Variants in NAV2 observed in about 807,000 individuals in gnomAD.
The protein encoded by NAV2 is neuron navigator 2.
Under a neutral mutation model 223.2 loss-of-function variants are expected in NAV2, and 54 were observed. That is an observed-to-expected ratio of 0.24 (90% CI 0.19 to 0.30). The LOEUF (loss-of-function observed/expected upper bound fraction) is 0.30, where lower values mean the gene tolerates loss of function less well. Among genes scored for constraint, NAV2 ranks in the 10% least tolerant of loss-of-function variants. NAV2 has a pLI of 1.00. For missense variants in NAV2, 2,806 were observed against 3,147.5 expected (o/e 0.89, Z 2.60); for synonymous variants, 1,279 against 1,239.3 (o/e 1.03, Z -0.67).
intron 8 of NAV2, among the ~76,000 whole-genome samples, chr11:19,941,873 T>C (rs2120115): frequency 0.94 from 142,611 of 152,250 alleles, 67,533 homozygotes; most frequent in East Asian, 1. Flanking sequence ...AATTCAGCCT[T>C]CTGAAGCCCC....
At chr11:20,111,731 G>T (rs1015426844) in intron 36 of NAV2, among the ~76,000 whole-genome samples, 1 of 152,214 alleles carries the variant, frequency 6.6e-6, no homozygotes, top group Non-Finnish European at 1.5e-5. Flanking sequence ...TATCCAGCCT[G>T]CTCTGAGACC....
chr11:19,802,734 C>T (rs905783981), intron 1 of NAV2, among the ~76,000 whole-genome samples: 4 of 130,578 alleles, frequency 3.1e-5, no homozygotes, highest in Non-Finnish European at 5.1e-5. Flanking sequence ...AAAAAAATTA[C>T]ACCAATGTTT....
At chr11:20,071,956 G>A (rs2059432632) in intron 22 of NAV2, among the ~76,000 whole-genome samples, 1 of 152,104 alleles carries the variant, frequency 6.6e-6, no homozygotes, top group Non-Finnish European at 1.5e-5. Context: ...GATCCCTTTT[G>A]TCTATTTTGG....
chr11:19,676,911 C>T (rs189767582), intron 1 of NAV2, among the ~76,000 whole-genome samples: 43 of 152,268 alleles, frequency 2.8e-4, no homozygotes, highest in African/African-American at 1.0e-3. Flanking sequence ...CTCCTTAGAT[C>T]GTTAAGACAT....
chr11:19,541,704 C>T (rs2044348646), intron 1 of NAV2, among the ~76,000 whole-genome samples: 1 of 152,212 alleles, frequency 6.6e-6, no homozygotes, highest in Non-Finnish European at 1.5e-5. Context: ...GGACATGCCA[C>T]ATGCCAAAAT....
At chr11:19,593,700 G>T (rs903691845) in intron 1 of NAV2, among the ~76,000 whole-genome samples, 3 of 151,994 alleles carry the variant, frequency 2.0e-5, no homozygotes, top group African/African-American at 7.3e-5. Context: ...ATCTTTGCTG[G>T]AATTTGGTGT....
intron 1 of NAV2, among the ~76,000 whole-genome samples, chr11:19,452,480 G>A (rs1851823754): frequency 6.6e-6 from 1 of 152,146 alleles, no homozygotes; most frequent in Non-Finnish European, 1.5e-5. Flanking sequence ...CACTGTCTGG[G>A]TGAGAAATCC....
intron 2 of NAV2, among the ~76,000 whole-genome samples, chr11:19,837,630 A>T (rs1428179308): frequency 1.3e-5 from 2 of 152,126 alleles, no homozygotes; most frequent in Non-Finnish European, 2.9e-5. Context: ...ACCTGAAACT[A>T]ATCATAAGGA....
chr11:19,555,964 T>G (rs1367183130), intron 1 of NAV2, among the ~76,000 whole-genome samples: 2 of 151,544 alleles, frequency 1.3e-5, no homozygotes, highest in Non-Finnish European at 2.9e-5. Context: ...CCTGTGCACC[T>G]GTCCCTACAG....
At chr11:20,038,482 C>G (rs543212608) in intron 12 of NAV2, among the ~76,000 whole-genome samples, 3 of 152,324 alleles carry the variant, frequency 2.0e-5, no homozygotes, top group South Asian at 4.1e-4. Context: ...TAGTGACATT[C>G]CTTTTGTTCC....
intron 5 of NAV2, among the ~76,000 whole-genome samples, chr11:19,884,051 A>G (rs948785049): frequency 6.6e-6 from 1 of 152,256 alleles, no homozygotes; most frequent in Non-Finnish European, 1.5e-5. Flanking sequence ...AAAGAAACAC[A>G]CACATGAATA....
At chr11:19,627,205 T>C (rs1180605722) in intron 1 of NAV2, among the ~76,000 whole-genome samples, 1 of 152,136 alleles carries the variant, frequency 6.6e-6, no homozygotes, top group Non-Finnish European at 1.5e-5. Context: ...CTAGCCAACA[T>C]GGCGAAACCC....
At chr11:19,480,960 G>T (rs969987056) in intron 1 of NAV2, among the ~76,000 whole-genome samples, 3 of 152,220 alleles carry the variant, frequency 2.0e-5, no homozygotes, top group African/African-American at 7.2e-5. Context: ...AGAGCCTGAA[G>T]GGGAGGAATA....
intron 1 of NAV2, among the ~76,000 whole-genome samples, chr11:19,730,412 T>A (rs2051654777): frequency 6.6e-6 from 1 of 152,166 alleles, no homozygotes; most frequent in African/African-American, 2.4e-5. Flanking sequence ...CAGAGGGGCT[T>A]GTTGCAAAGC....
At position 20,114,701 on chromosome 11, in the gene NAV2, G is replaced by A. The variant is rs758719814; in HGVS notation, c.7070G>A (p.Arg2357Gln). Residue 2357 changes from arginine (R) to glutamine (Q), a missense_variant, in exon 37 of 38, where the codon CGG (arginine) becomes CAG (glutamine). Transcript: ENST00000349880. ...QHEWPPLLQL[R>Q]PEDVGFDGYS... ...GAGTGGCCTCCCCTGCTGCAGTTAC[G>A]GCCTGAGGATGTCGGCTTCGACGGC... 28 of 1,614,116 alleles carry A rather than the reference G, an allele frequency of 1.7e-5. No homozygotes were observed. The East Asian group carries it at 3.1e-4, about 18-fold the overall frequency.
intron 8 of NAV2, among the ~76,000 whole-genome samples, chr11:19,942,988 A>C (rs369228231): frequency 7.5e-4 from 115 of 152,338 alleles, no homozygotes; most frequent in African/African-American, 2.7e-3. Context: ...GTCTCTAAAA[A>C]ATAAAATAGT....
In NAV2 at chr11:19,548,895, A is replaced by C. The variant is rs79793379; in HGVS notation, c.75+197868A>C. ...CCGTCTCAAAAAAAAAAAAAAAAAA[A>C]ACACCCTCAAGGTGAGTGTTTAAAC... is the stretch of plus-strand genomic sequence containing the variant. On this transcript the variant is annotated intron_variant, in intron 1 of 37. Transcript: ENST00000360655. Among the ~76,000 whole-genome samples the C allele has an allele frequency of 6.6e-5, 10 of 151,264 alleles. No homozygotes were observed. In the South Asian group the frequency reaches 1.9e-3, roughly 28 times the overall value.
chr11:19,602,743 GCC>G (rs1015842266), intron 1 of NAV2, among the ~76,000 whole-genome samples: 20 of 152,122 alleles, frequency 1.3e-4, no homozygotes, highest in Admixed American at 9.2e-4. Flanking sequence ...TTTTCGCCTG[GCC>G]CCCTCCTCTG....
chr11:19,859,775 C>CA (rs1427141693), intron 3 of NAV2, among the ~76,000 whole-genome samples: 5 of 148,292 alleles, frequency 3.4e-5, no homozygotes, highest in African/African-American at 7.4e-5. Flanking sequence ...GGGGGCTGAC[C>CA]CCCCCACCTC....
Sources: allele counts gnomAD v4.1 joint callset (sites outside exome capture counted in the v4.1 genomes callset), GRCh38; gene constraint gnomAD v4.1.1; transcripts MANE v1.5; gene names NCBI Gene and HGNC (gene_info 2026-07-23, HGNC 2026-07-21).